The following HPGDS variants were observed in gnomAD, a reference collection of about 807,000 sequenced individuals.
HPGDS encodes hematopoietic prostaglandin D synthase, also known as GST class-sigma.
In HPGDS, 26 loss-of-function variants were observed where a neutral mutation model predicts 23.1. The ratio of observed to expected loss-of-function variants is 1.13; its 90% CI spans 0.83 to 1.56. The LOEUF is 1.56. Ranked by LOEUF, HPGDS falls within the 40% of genes most tolerant of loss-of-function variation. The pLI is 0.00. For synonymous variants in HPGDS, 95 were observed against 77.9 expected (o/e 1.22, Z -1.16); for missense variants, 268 against 236.4 (o/e 1.13, Z -0.88).
In HPGDS at chr4:94,299,608, T is replaced by C; in HGVS notation, c.472A>G (p.Thr158Ala). 1 of 1,614,136 alleles carries C rather than the reference T, an allele frequency of 6.2e-7. No individual in the cohort carries two copies. The highest frequency in any genetic ancestry group is 8.5e-7 in the Non-Finnish European group (1 of 1,179,982). Reference protein sequence around the residue: ...WADFYWEICSTTLLVFKPDLL... With the variant: ...WADFYWEICSATLLVFKPDLL... ...TCAGGCTTAAAGACCAAAAGTGTGG[T>C]ACTGCAAATCTCCCAGTAGAAGTCT... Residue 158 changes from threonine to alanine, a missense_variant, in exon 6 of 6, where the codon ACC becomes GCC. By Grantham distance (58) the Thr-to-Ala change is moderately conservative (BLOSUM62 0). Transcript: ENST00000295256.
chr4:94,318,643 G>A (rs1756443227), intron 2 of HPGDS, among the ~76,000 whole-genome samples: 1 of 152,074 alleles, frequency 6.6e-6, no homozygotes, highest in Non-Finnish European at 1.5e-5. Flanking sequence ...TTATTGAGAT[G>A]TGTTTTGTGG....
intron 2 of HPGDS, among the ~76,000 whole-genome samples, chr4:94,318,655 T>G (rs748892229): frequency 2.0e-5 from 3 of 152,212 alleles, no homozygotes; most frequent in Non-Finnish European, 2.9e-5. Context: ...GTTTTGTGGC[T>G]TAACATATGG....
chr4:94,299,865 G>C (rs1756001113), intron 5 of HPGDS, among the ~76,000 whole-genome samples: 1 of 152,138 alleles, frequency 6.6e-6, no homozygotes, highest in Non-Finnish European at 1.5e-5. Context: ...ATTTTTCTAT[G>C]CTGATAGATG....
Position 94,302,072 on chromosome 4 carries a change from TCAGTAAG to T in HPGDS, c.435+67_435+73del. 9 of 1,097,974 alleles carry T rather than the reference TCAGTAAG, an allele frequency of 8.2e-6. No individual in the cohort carries two copies. The Admixed American group carries it at 9.9e-5, about 12-fold the overall frequency. 68.0% of individuals were successfully genotyped at this position (1,097,974 alleles called of 1,614,324 possible). On this transcript the variant is annotated intron_variant, in intron 5 of 5. Transcript: ENST00000295256. ...TCCCCTCCCTATAGGTAACTTTTTT[TCAGTAAG>T]TTTTTATACTTCTATTGGTTTGTCC...
At chr4:94,309,283 A>G (rs1352573436) in intron 3 of HPGDS, among the ~76,000 whole-genome samples, 1 of 22,990 alleles carries the variant, frequency 4.3e-5, no homozygotes, top group South Asian at 1.8e-3. Context: ...CCCCCACCCC[A>G]CAACAGGCCC....
chr4:94,298,776 C>T lies in HPGDS; in HGVS notation c.*704G>A, dbSNP rs1429545005. 5 of 152,126 alleles carry T rather than the reference C, an allele frequency of 3.3e-5. No individual in the cohort carries two copies. The highest frequency in any genetic ancestry group is 2.1e-4 in the South Asian group (1 of 4,830). The allele number at this position is 152,126 out of a possible 1,614,324, so 9.4% of individuals were successfully genotyped here. A position where few individuals can be genotyped will look rare whatever the true frequency, so the allele number is the denominator to read the frequency against. On this transcript the variant is annotated 3_prime_UTR_variant, in exon 6 of 6. Coordinates refer to ENST00000295256, the MANE Select transcript of HPGDS (RefSeq NM_014485.3). ...GCTGCATATCTAGAGCCTTTTGAGC[C>T]GTGTCAGATTCCCACAGTCAGCTCT...
At chr4:94,303,428 C>T (rs1756081880) in intron 4 of HPGDS, among the ~76,000 whole-genome samples, 1 of 152,108 alleles carries the variant, frequency 6.6e-6, no homozygotes, top group Non-Finnish European at 1.5e-5. Context: ...TTCTGAAATA[C>T]TTCTGGTCCC....
intron 2 of HPGDS, among the ~76,000 whole-genome samples, chr4:94,325,978 G>T (rs1756623890): frequency 7.0e-6 from 1 of 141,918 alleles, no homozygotes; most frequent in Non-Finnish European, 1.5e-5. Context: ...TGGCTGACAG[G>T]TTTTTTTTTT....
intron 2 of HPGDS, among the ~76,000 whole-genome samples, chr4:94,331,133 G>C (rs947219162): frequency 3.9e-5 from 6 of 152,174 alleles, no homozygotes; most frequent in African/African-American, 1.4e-4. Context: ...CCAAGACTCA[G>C]CTCTTCTTAT....
At chr4:94,330,174 G>C (rs186644261) in intron 2 of HPGDS, among the ~76,000 whole-genome samples, 4 of 152,306 alleles carry the variant, frequency 2.6e-5, no homozygotes, top group Non-Finnish European at 5.9e-5. Flanking sequence ...ATTGTCCTTT[G>C]GACCTGGGTG....
rs774605455 is a variant in HPGDS at position 94,322,714 on chromosome 4, C to T, written c.134-4749G>A. ...TTTGTTGATCTTTTCAAAAAATAAG[C>T]TCCTGGGTTCGCTGATTTTTTGAAG... On this transcript the variant is annotated intron_variant, in intron 2 of 5. Coordinates refer to ENST00000295256, the MANE Select transcript of HPGDS (RefSeq NM_014485.3). Among the ~76,000 whole-genome samples, 37 of 152,096 alleles carry T rather than the reference C, an allele frequency of 2.4e-4. 1 individual carries two copies. In the Middle Eastern group the frequency reaches 0.01, roughly 42 times the overall value.
At position 94,310,916 on chromosome 4, in the gene HPGDS, C is replaced by T. The variant is rs9762154; in HGVS notation, c.227-2173G>A. Among the ~76,000 whole-genome samples the T allele has an allele frequency of 8.0e-3, 1,212 of 152,266 alleles. 6 individuals are homozygous for T. Among genetic ancestry groups the T allele is most frequent in the Non-Finnish European group, 0.015 (1,004 of 68,034 alleles). The stretch of plus-strand genomic sequence containing the variant: ...TGAAGCAATTGTGAATGGGAGTTCA[C>T]TCATGATTTGGCTCTCTGTTTGTCT... On this transcript the variant is annotated intron_variant, in intron 3 of 5. Transcript: ENST00000295256.
intron 3 of HPGDS, among the ~76,000 whole-genome samples, chr4:94,309,442 C>A (rs1257941666): frequency 4.6e-5 from 7 of 152,042 alleles, no homozygotes; most frequent in Admixed American, 4.6e-4. Flanking sequence ...ATCCATGACC[C>A]TACAAAGGAC....
chr4:94,327,753 C>T (rs980160657), intron 2 of HPGDS, among the ~76,000 whole-genome samples: 1 of 152,124 alleles, frequency 6.6e-6, no homozygotes, highest in African/African-American at 2.4e-5. Flanking sequence ...AGGTTTGGGA[C>T]ACTACATGGG....
At chr4:94,313,413 AT>A (rs1451989354) in intron 3 of HPGDS, among the ~76,000 whole-genome samples, 1 of 152,190 alleles carries the variant, frequency 6.6e-6, no homozygotes, top group East Asian at 1.9e-4. Flanking sequence ...GTTTGGCTGG[AT>A]ATGAAATTCT....
chr4:94,334,462 A>G, intron 2 of HPGDS, 35 bp downstream of exon 2: 1 of 1,532,422 alleles, frequency 6.5e-7, no homozygotes, highest in East Asian at 2.3e-5. Flanking sequence ...TTCTGAAAGC[A>G]TATTTTTCCT....
chr4:94,312,757 T>C (rs1560587125), intron 3 of HPGDS, among the ~76,000 whole-genome samples: 1 of 152,222 alleles, frequency 6.6e-6, no homozygotes, highest in Middle Eastern at 3.4e-3. Context: ...TCTCCCATTA[T>C]TGTATGGGAA....
At chr4:94,329,160 C>T (rs1756690844) in intron 2 of HPGDS, among the ~76,000 whole-genome samples, 1 of 152,044 alleles carries the variant, frequency 6.6e-6, no homozygotes, top group Non-Finnish European at 1.5e-5. Flanking sequence ...TTGTGCTAGG[C>T]ATTGTACTAA....
intron 1 of HPGDS, among the ~76,000 whole-genome samples, chr4:94,338,112 A>G (rs182121548): frequency 7.2e-5 from 11 of 152,318 alleles, no homozygotes; most frequent in Non-Finnish European, 1.3e-4. Flanking sequence ...ATCCATCTGT[A>G]TAATAAACTA....
Sources: gnomAD v4.1 joint callset for allele counts (sites outside exome capture counted in the v4.1 genomes callset) on GRCh38, gnomAD v4.1.1 for gene constraint, MANE v1.5 for transcripts, NCBI Gene and HGNC (gene_info 2026-07-23, HGNC 2026-07-21) for gene names.